Variants in KLHDC4 observed in about 807,000 individuals in gnomAD.
KLHDC4 encodes kelch domain containing 4, also known as kelch domain-containing protein 4.
A neutral mutation model predicts 62.4 loss-of-function variants in KLHDC4; 90 were observed. The ratio of observed to expected loss-of-function variants is 1.44; its 90% CI spans 1.22 to 1.72. KLHDC4 has a LOEUF of 1.72. KLHDC4 is among the 40% of genes most tolerant of loss of function. The probability of loss-of-function intolerance (pLI) is 0.00; values close to 1 mark genes in which losing one functional copy is unlikely to be tolerated. For missense variants in KLHDC4, 1,025 were observed against 699.7 expected, an observed-to-expected ratio of 1.47 and a Z score of -5.25; for synonymous variants, 386 against 284.4, an observed-to-expected ratio of 1.36 and a Z score of -3.59.
intron 7 of KLHDC4, among the ~76,000 whole-genome samples, chr16:87,725,947 G>A (rs912529277): frequency 6.6e-6 from 1 of 152,118 alleles, no homozygotes; most frequent in Non-Finnish European, 1.5e-5. Flanking sequence ...GGTGCAGGAA[G>A]GAGACCCTCA....
At chr16:87,698,506 G>A (rs1319725836) in exon 1 of KLHDC4, 1 of 152,262 alleles carries the variant, frequency 6.6e-6, no homozygotes, top group Admixed American at 6.5e-5. Flanking sequence ...ATGCACAGAG[G>A]CAGGTGTCCC....
At chr16:87,744,722 T>C (rs1234919515) in intron 5 of KLHDC4, among the ~76,000 whole-genome samples, 1 of 152,008 alleles carries the variant, frequency 6.6e-6, no homozygotes, top group African/African-American at 2.4e-5. Context: ...GTAATTAAAA[T>C]AGCATAAAAA....
intron 1 of KLHDC4, chr16:87,765,439 T>G (rs1262993209): frequency 8.1e-6 from 4 of 494,848 alleles, no homozygotes; most frequent in Non-Finnish European, 1.6e-5. Context: ...GGTCTTCCTG[T>G]GCCAAACCCC....
At chr16:87,698,348 G>A (rs192755206) in exon 1 of KLHDC4, 45 of 152,036 alleles carry the variant, frequency 3.0e-4, no homozygotes, top group Non-Finnish European at 4.1e-4. Context: ...GACCAGAAGT[G>A]AACCAAATAA....
Position 87,762,002 on chromosome 16 carries a change from G to A in KLHDC4, c.138C>T (p.Leu46=), listed in dbSNP as rs201525176. ...LEALIAHFQT[L]DAKRTQTVEL... is the part of the protein sequence containing the mutation. ...CCACAGTCTGAGTCCTCTTGGCATC[G>A]AGTGTCTGGAAATGGGCTATGAGCG... The change falls in exon 2 of 12, where the codon CTC becomes CTT. Residue 46 remains leucine, a synonymous_variant. Transcript: ENST00000270583. 122 of 1,614,000 alleles carry A rather than the reference G, an allele frequency of 7.6e-5. No homozygotes were observed. The highest frequency in any genetic ancestry group is 2.2e-4 in the Admixed American group (13 of 59,980).
chr16:87,756,119 G>C (rs2044846000), intron 3 of KLHDC4: 1 of 291,342 alleles, frequency 3.4e-6, no homozygotes, highest in Admixed American at 4.1e-5. Context: ...GAACAGCACA[G>C]ACAACCACAA....
intron 5 of KLHDC4, among the ~76,000 whole-genome samples, chr16:87,747,947 A>C (rs1040376846): frequency 1.3e-5 from 2 of 152,206 alleles, no homozygotes; most frequent in Non-Finnish European, 2.9e-5. Flanking sequence ...TTAATGGCAG[A>C]GAGATGGTGT....
intron 5 of KLHDC4, among the ~76,000 whole-genome samples, chr16:87,745,132 C>T (rs1348689669): frequency 6.6e-6 from 1 of 152,360 alleles, no homozygotes; most frequent in African/African-American, 2.4e-5. Context: ...GGGACACGCA[C>T]ATTTAAAATT....
intron 3 of KLHDC4, 162 bp downstream of exon 3, chr16:87,756,237 C>T: frequency 1.8e-6 from 1 of 568,042 alleles, no homozygotes; most frequent in South Asian, 1.9e-5. Context: ...ATGCCAGGGC[C>T]TGGAGCATCC....
chr16:87,723,939 T>G (rs2038895606), intron 7 of KLHDC4, among the ~76,000 whole-genome samples: 1 of 152,186 alleles, frequency 6.6e-6, no homozygotes, highest in Admixed American at 6.5e-5. Context: ...CGGGTTCAAG[T>G]GATTCTCCTA....
chr16:87,700,373 T>A (rs1331197713), exon 1 of KLHDC4: 1 of 155,186 alleles, frequency 6.4e-6, no homozygotes, highest in Non-Finnish European at 1.5e-5. Flanking sequence ...CAGGACATCA[T>A]GATGCCGCCC....
chr16:87,752,650 A>G (rs1370207927), intron 4 of KLHDC4, among the ~76,000 whole-genome samples: 2 of 151,968 alleles, frequency 1.3e-5, no homozygotes, highest in Admixed American at 6.6e-5. Flanking sequence ...CACTGTTTCA[A>G]CATCCTTTCC....
downstream of KLHDC4, among the ~76,000 whole-genome samples, chr16:87,706,607 C>G (rs527900400): frequency 7.9e-5 from 12 of 152,316 alleles, no homozygotes; most frequent in South Asian, 2.5e-3. Flanking sequence ...GCATTCCCAT[C>G]AAGTGTCAAG....
chr16:87,724,361 C>T (rs905885751), intron 7 of KLHDC4, among the ~76,000 whole-genome samples: 7 of 152,130 alleles, frequency 4.6e-5, no homozygotes, highest in African/African-American at 1.2e-4. Context: ...AAAAGAAAAA[C>T]GTAATAAATT....
At chr16:87,755,110 C>A in intron 4 of KLHDC4, 84 bp downstream of exon 4, 1 of 906,100 alleles carries the variant, frequency 1.1e-6, no homozygotes, top group Non-Finnish European at 1.8e-6. Context: ...GCACCAGCTG[C>A]CTGTCACCTA....
intron 8 of KLHDC4, 36 bp from the exon 9 acceptor site, chr16:87,711,479 C>T (rs775012348): frequency 3.8e-6 from 6 of 1,562,182 alleles, no homozygotes; most frequent in Admixed American, 1.8e-5. Context: ...GATAAGAACA[C>T]AAGGAAGGAC....
chr16:87,742,719 T>G (rs1411513002), intron 5 of KLHDC4, among the ~76,000 whole-genome samples: 2 of 152,126 alleles, frequency 1.3e-5, no homozygotes, highest in Non-Finnish European at 2.9e-5. Context: ...AGGGTCTACG[T>G]GGAGTACGAA....
Position 87,748,775 on chromosome 16 carries a change from C to A in KLHDC4, c.404G>T (p.Trp135Leu). The part of the protein sequence containing the change: ...VVVPQGGGQL[W>L]VFGGEFASPN... Reference sequence around the variant, plus strand: ...AGAGGCAAACTCCCCTCCAAAGACCCACAGCTGTCCGCCACCTTGAGGCAC... The same window carrying A: ...AGAGGCAAACTCCCCTCCAAAGACCAACAGCTGTCCGCCACCTTGAGGCAC... The change falls in exon 5 of 12, where the codon TGG becomes TTG. Residue 135 changes from tryptophan (W) to leucine (L), a missense_variant. Physicochemically the swap from Trp to Leu is moderately conservative, Grantham distance 61. Coordinates refer to ENST00000270583, the MANE Select transcript of KLHDC4 (RefSeq NM_017566.4). 2 of 1,613,248 alleles carry A rather than the reference C, an allele frequency of 1.2e-6. No individual in the cohort carries two copies. The highest frequency in any genetic ancestry group is 1.7e-6 in the Non-Finnish European group (2 of 1,179,814).
At chr16:87,740,909 C>T (rs2042139266) in intron 5 of KLHDC4, 1 of 152,158 alleles carries the variant, frequency 6.6e-6, no homozygotes, top group Non-Finnish European at 1.5e-5. Flanking sequence ...CGCAATGGGG[C>T]AGCTTTGCAG....
Sources: allele counts gnomAD v4.1 joint callset (sites outside exome capture counted in the v4.1 genomes callset), GRCh38; gene constraint gnomAD v4.1.1; transcripts MANE v1.5; gene names NCBI Gene and HGNC (gene_info 2026-07-23, HGNC 2026-07-21).